The following R3HDM4 variants were observed in gnomAD, a reference collection of about 807,000 sequenced individuals.
R3HDM4 encodes the protein R3H domain-containing protein 4.
In R3HDM4, 30 loss-of-function variants were observed where a neutral mutation model predicts 31.3. The ratio of observed to expected loss-of-function variants is 0.96; its 90% CI spans 0.72 to 1.30. The LOEUF is 1.30. R3HDM4 is among the 50% of genes most tolerant of loss of function. The probability of loss-of-function intolerance (pLI) is 0.00; values close to 1 mark genes in which losing one functional copy is unlikely to be tolerated. For synonymous variants in R3HDM4, 196 were observed against 156.6 expected (o/e 1.25, Z -1.88); for missense variants, 444 against 366.1 (o/e 1.21, Z -1.74).
At position 899,543 on chromosome 19, in the gene R3HDM4, T is replaced by C; in HGVS notation, c.648-48A>G. On this transcript the variant is annotated intron_variant, in intron 6 of 7. Coordinates refer to ENST00000361574, the MANE Select transcript of R3HDM4 (RefSeq NM_138774.4). This position sits in a 1 kb window ranked among gnomAD's most constrained non-coding sequence, Gnocchi z 6.8. ...GCCGTGCAGGGGCTGCAGCGTGGGG[T>C]GTCCGCCCACCTGGCCGCAGCCTCG... 1 of 1,611,878 alleles carries C rather than the reference T, an allele frequency of 6.2e-7. No homozygotes were observed.
intron 1 of R3HDM4, among the ~76,000 whole-genome samples, chr19:911,173 C>T (rs1038847670): frequency 5.3e-5 from 8 of 151,780 alleles, no homozygotes; most frequent in Middle Eastern, 3.4e-3. Context: ...AGACCGGGTG[C>T]GGTGGCTCAC....
At chr19:901,172 G>A (rs2036831653) in intron 3 of R3HDM4, 6 of 673,614 alleles carry the variant, frequency 8.9e-6, no homozygotes, top group East Asian at 2.9e-5. Flanking sequence ...GGATTGAGGT[G>A]AAACACTCCT....
chr19:902,264 G>A (rs1290819871), intron 1 of R3HDM4, 134 bp from the exon 2 acceptor site: 3 of 913,782 alleles, frequency 3.3e-6, no homozygotes, highest in Non-Finnish European at 4.9e-6. Context: ...TGAAGTCCTG[G>A]GCCCTTAAAA....
At chr19:900,267 C>G in intron 4 of R3HDM4, 121 bp from the exon 5 acceptor site, 1 of 683,860 alleles carries the variant, frequency 1.5e-6, no homozygotes, top group Non-Finnish European at 2.4e-6. Context: ...TCCTGCCCAC[C>G]AAACCACACC....
intron 3 of R3HDM4, 117 bp downstream of exon 3, chr19:901,305 T>C: frequency 8.7e-7 from 1 of 1,149,956 alleles, no homozygotes; most frequent in Non-Finnish European, 1.2e-6. Flanking sequence ...GGGCCTTCAT[T>C]AGGAGATCAG....
At chr19:898,791 G>A (rs1414398443) in intron 7 of R3HDM4, among the ~76,000 whole-genome samples, 2 of 152,040 alleles carry the variant, frequency 1.3e-5, no homozygotes, top group Non-Finnish European at 2.9e-5. Context: ...AGCCAAGGCC[G>A]GATGTTCTGA....
chr19:905,505 C>CAA lies in R3HDM4; in HGVS notation c.72-3377_72-3376dup, dbSNP rs71335321. Among the ~76,000 whole-genome samples the CAA allele has an allele frequency of 6.9e-3, 695 of 100,676 alleles. 2 individuals are homozygous for CAA. The highest frequency in any genetic ancestry group is 0.027 in the African/African-American group (632 of 23,580). 66.0% of individuals were successfully genotyped at this position (100,676 alleles called of 152,430 possible). On this transcript the variant is annotated intron_variant, in intron 1 of 7. Coordinates refer to ENST00000361574, the MANE Select transcript of R3HDM4 (RefSeq NM_138774.4). The stretch of plus-strand genomic sequence containing the variant: ...GGGCAACAAGAGTGAAACTCTGTCT[C>CAA]AAAAAAAAAAAAAAAAACAAAACAA...
In R3HDM4 at chr19:897,460, C is replaced by A; in HGVS notation, c.784G>T (p.Ala262Ser). 1.9e-6 allele frequency: 3 copies of A among 1,611,252 alleles called. No homozygotes were observed. Among genetic ancestry groups the A allele is most frequent in the Non-Finnish European group, 2.5e-6 (3 of 1,179,178 alleles). ...DFLPPGLLLS[A>S]YLEQHS ...CATCAGCTGTGCTGCTCCAGGTAGG[C>A]GGACAGGAGCAGCCCCGGCGGCAGG... is the stretch of plus-strand genomic sequence containing the variant. Residue 262 changes from alanine (A) to serine (S), a missense_variant, in exon 8 of 8, where the codon GCC becomes TCC. By Grantham distance (99) the Ala-to-Ser change is moderately conservative. Transcript: ENST00000361574.
Position 901,044 on chromosome 19 carries a change from C to A in R3HDM4, c.352-92G>T. On this transcript the variant is annotated intron_variant, in intron 3 of 7. Transcript: ENST00000361574. Reference sequence around the variant, plus strand: ...ATGGGCACGGTAAGGCCGCCAAGCACGTGGACGCGCTCCTGCGGTCACCTC... The same window carrying A: ...ATGGGCACGGTAAGGCCGCCAAGCAAGTGGACGCGCTCCTGCGGTCACCTC... The A allele has an allele frequency of 2.1e-6, 3 of 1,432,486 alleles. No homozygotes were observed. In the South Asian group the frequency reaches 4.2e-5, roughly 20 times the overall value. The allele number at this position is 1,432,486 out of a possible 1,614,324, so 88.7% of individuals were successfully genotyped here.
rs1393055901 is a variant in R3HDM4 at position 899,840 on chromosome 19, C to G, written c.562-154G>C. The stretch of plus-strand genomic sequence containing the variant: ...TTAAGTGTCTCTGAGGCCACCATGC[C>G]ACCTCCTGCCTGTGCCTTCCGTGGA... On this transcript the variant is annotated intron_variant, in intron 5 of 7. Coordinates refer to ENST00000361574, the MANE Select transcript of R3HDM4 (RefSeq NM_138774.4). The surrounding 1 kb of genome is among the most constrained non-coding windows in gnomAD (Gnocchi z 6.8). Among the ~76,000 whole-genome samples the G allele has an allele frequency of 6.6e-6, 1 of 152,126 alleles. No individual in the cohort carries two copies. The highest frequency in any genetic ancestry group is 2.4e-5 in the African/African-American group (1 of 41,422).
Position 901,436 on chromosome 19 carries a change from C to A in R3HDM4, c.337G>T (p.Ala113Ser). The stretch of plus-strand genomic sequence containing the variant: ...GGGGGCCACACCTCCACATAGGTGG[C>A]GTTGTTGCAGGCCTCGGCAAAGATG... ...PGIFAEACNNATYVEVWNDFM... is the reference protein window; with the variant it reads ...PGIFAEACNNSTYVEVWNDFM... Residue 113 changes from alanine to serine, a missense_variant, in exon 3 of 8, where the codon GCC becomes TCC. By Grantham distance (99) the Ala-to-Ser change is moderately conservative. Transcript: ENST00000361574. The A allele has an allele frequency of 6.2e-7, 1 of 1,607,134 alleles. No homozygotes were observed. The highest frequency in any genetic ancestry group is 8.5e-7 in the Non-Finnish European group (1 of 1,179,384).
At chr19:898,782 G>A (rs2036779633) in intron 7 of R3HDM4, among the ~76,000 whole-genome samples, 2 of 152,056 alleles carry the variant, frequency 1.3e-5, no homozygotes, top group Non-Finnish European at 2.9e-5. Flanking sequence ...CGCACCCCCA[G>A]CCAAGGCCGG....
At chr19:904,154 C>T (rs1599360413) in intron 1 of R3HDM4, among the ~76,000 whole-genome samples, 1 of 152,160 alleles carries the variant, frequency 6.6e-6, no homozygotes, top group Non-Finnish European at 1.5e-5. Flanking sequence ...GTACCAGGAT[C>T]GGCTCCACCC....
At position 901,003 on chromosome 19, in the gene R3HDM4, T is replaced by G. The variant is rs1451213210; in HGVS notation, c.352-51A>C. The G allele has an allele frequency of 2.7e-6, 4 of 1,509,354 alleles. No individual in the cohort carries two copies. The South Asian group carries it at 3.9e-5, about 15-fold the overall frequency. 93.5% of individuals were successfully genotyped at this position (1,509,354 alleles called of 1,614,324 possible). A position where few individuals can be genotyped will look rare whatever the true frequency, so the allele number is the denominator to read the frequency against. On this transcript the variant is annotated intron_variant, in intron 3 of 7. Coordinates refer to ENST00000361574, the MANE Select transcript of R3HDM4 (RefSeq NM_138774.4). The stretch of plus-strand genomic sequence containing the variant: ...TTGCCATGAAACACTGGGGCTGCGC[T>G]GACATCCCCGGGCAAATGGGCACGG...
rs1410901172 is a variant in R3HDM4, at chr19:899,091, A to G, written c.703+349T>C. ...TGGGAGGCCTTAGAGTTAAATGCAA[A>G]CCTTCCAGACACTGCGTCCCCCCAT... is the stretch of plus-strand genomic sequence containing the variant. On this transcript the variant is annotated intron_variant, in intron 7 of 7. Transcript: ENST00000361574. This position sits in a 1 kb window ranked among gnomAD's most constrained non-coding sequence, Gnocchi z 6.8. Among the ~76,000 whole-genome samples the G allele has an allele frequency of 6.6e-6, 1 of 151,824 alleles. No homozygotes were observed. Among genetic ancestry groups the G allele is most frequent in the African/African-American group, 2.4e-5 (1 of 41,290 alleles).
Position 902,792 on chromosome 19 carries a change from T to G in R3HDM4, c.72-662A>C, listed in dbSNP as rs964355658. Among the ~76,000 whole-genome samples, 29 of 151,832 alleles carry G rather than the reference T, an allele frequency of 1.9e-4. 1 individual carries two copies. Among genetic ancestry groups the G allele is most frequent in the Non-Finnish European group, 5.9e-5 (4 of 67,956 alleles). On this transcript the variant is annotated intron_variant, in intron 1 of 7. Coordinates refer to ENST00000361574, the MANE Select transcript of R3HDM4 (RefSeq NM_138774.4). ...GTCTCTACCAAAAAAAATACAAAAA[T>G]TAATCAGGCGTGGTGGCGTGCGCCT... is the stretch of plus-strand genomic sequence containing the variant.
intron 1 of R3HDM4, among the ~76,000 whole-genome samples, chr19:908,026 C>A (rs1044750830): frequency 6.6e-6 from 1 of 151,740 alleles, no homozygotes; most frequent in Non-Finnish European, 1.5e-5. Flanking sequence ...AACCCTGTCT[C>A]TACAAAAATA....
chr19:912,001 G>A (rs981612985), intron 1 of R3HDM4, among the ~76,000 whole-genome samples: 3 of 149,788 alleles, frequency 2.0e-5, no homozygotes, highest in Admixed American at 6.6e-5. Context: ...CCCGCGGACA[G>A]GGGCCCAGGA....
At chr19:901,874 A>C in intron 2 of R3HDM4, 102 bp downstream of exon 2, 1 of 1,276,464 alleles carries the variant, frequency 7.8e-7, no homozygotes, top group Non-Finnish European at 1.1e-6. Flanking sequence ...CCCCAGCCCC[A>C]CCCAGGCACA....
Sources: gnomAD v4.1 joint callset for allele counts (sites outside exome capture counted in the v4.1 genomes callset) on GRCh38, gnomAD v4.1.1 for gene constraint, Gnocchi (gnomAD v3.1) non-coding constraint, MANE v1.5 for transcripts, NCBI Gene and HGNC (gene_info 2026-07-23, HGNC 2026-07-21) for gene names.